Variants in AVEN observed in about 807,000 individuals in gnomAD.
AVEN encodes apoptosis and caspase activation inhibitor, also known as cell death regulator Aven.
In AVEN, 41 loss-of-function variants were observed where a neutral mutation model predicts 38.1. The observed-to-expected ratio is 1.08, with a 90% confidence interval of 0.84 to 1.40. AVEN has a LOEUF of 1.40. Ranked by LOEUF, AVEN falls within the 40% of genes most tolerant of loss-of-function variation. AVEN has a pLI of 0.00. For missense variants in AVEN, 605 were observed against 438.8 expected (o/e 1.38, Z -3.38); for synonymous variants, 206 against 171.8 (o/e 1.20, Z -1.56).
rs552386987 is a variant in AVEN at position 34,022,952 on chromosome 15, C to G, written c.267+15828G>C. On this transcript the variant is annotated intron_variant, in intron 1 of 5. Coordinates refer to ENST00000306730, the MANE Select transcript of AVEN (RefSeq NM_020371.3). ...CCTGTAATCCCAGCACTTTGGGAGG[C>G]CGAGGCGGGCGGATCACAAGGTCAG... is the stretch of plus-strand genomic sequence containing the variant. Among the ~76,000 whole-genome samples the G allele has an allele frequency of 2.7e-3, 410 of 152,308 alleles. 2 individuals carry two copies. Among genetic ancestry groups the G allele is most frequent in the African/African-American group, 9.6e-3 (398 of 41,572 alleles).
chr15:34,069,204 G>A (rs1900583141), intron 2 of AVEN, among the ~76,000 whole-genome samples: 1 of 151,962 alleles, frequency 6.6e-6, no homozygotes, highest in Non-Finnish European at 1.5e-5. Context: ...GCTGAATCAC[G>A]ATGTCAGGAG....
At chr15:33,999,429 C>T (rs1412999544) in intron 2 of AVEN, among the ~76,000 whole-genome samples, 1 of 152,118 alleles carries the variant, frequency 6.6e-6, no homozygotes, top group African/African-American at 2.4e-5. Flanking sequence ...ATTGAGTGTG[C>T]CAGCCATTTA....
chr15:33,876,185 A>ATTT (rs10685072), intron 2 of AVEN, among the ~76,000 whole-genome samples, 190 bp from the exon 3 acceptor site: 5,893 of 152,276 alleles, frequency 0.039, 333 homozygotes, highest in South Asian at 0.12. Context: ...CAATGTTAAC[A>ATTT]TTTGATAAGA....
At chr15:33,948,090 ATTTTTCTTTTCTTT>A (rs1308104145) in intron 2 of AVEN, among the ~76,000 whole-genome samples, 1 of 143,340 alleles carries the variant, frequency 7.0e-6, no homozygotes, top group Non-Finnish European at 1.5e-5. Context: ...AACAATGTCT[ATTTTTCTTTTCTTT>A]TTTTTTTTTT....
intron 2 of AVEN, among the ~76,000 whole-genome samples, chr15:33,977,690 A>G (rs1292307388): frequency 6.6e-6 from 1 of 152,178 alleles, no homozygotes; most frequent in Admixed American, 6.6e-5. Flanking sequence ...TGAAGAATCA[A>G]ACGTTCTCTA....
chr15:34,017,136 A>G (rs1002223579), intron 1 of AVEN, among the ~76,000 whole-genome samples: 5 of 151,828 alleles, frequency 3.3e-5, no homozygotes, highest in Non-Finnish European at 5.9e-5. Flanking sequence ...TCAAGGGGGA[A>G]AAAAAAAGGT....
chr15:33,914,182 C>T (rs1359500534), intron 2 of AVEN, among the ~76,000 whole-genome samples: 3 of 150,798 alleles, frequency 2.0e-5, no homozygotes, highest in Admixed American at 6.6e-5. Flanking sequence ...TAGCTATGAG[C>T]TCTTTTACAG....
downstream of AVEN, chr15:33,854,719 C>G (rs747475710): frequency 3.2e-6 from 5 of 1,567,660 alleles, no homozygotes; most frequent in African/African-American, 5.5e-5. Context: ...ATAATGAGCA[C>G]ACTATGAGGC....
At chr15:33,901,181 G>A (rs1597211524) in intron 2 of AVEN, among the ~76,000 whole-genome samples, 2 of 152,198 alleles carry the variant, frequency 1.3e-5, no homozygotes, top group East Asian at 3.9e-4. Context: ...GCAGGAGAAT[G>A]GTGTGAACCC....
At chr15:33,961,946 T>C (rs1176469995) in intron 2 of AVEN, among the ~76,000 whole-genome samples, 1 of 151,744 alleles carries the variant, frequency 6.6e-6, no homozygotes, top group Non-Finnish European at 1.5e-5. Context: ...AAATCATTCA[T>C]AGATGATTTT....
chr15:34,020,741 G>A (rs928723220), intron 1 of AVEN, among the ~76,000 whole-genome samples: 2 of 152,176 alleles, frequency 1.3e-5, no homozygotes, highest in Non-Finnish European at 2.9e-5. Flanking sequence ...ATGAAAAGCT[G>A]TAAATGAAAT....
At chr15:34,013,664 CAT>C (rs1004116191) in intron 1 of AVEN, among the ~76,000 whole-genome samples, 21 of 152,284 alleles carry the variant, frequency 1.4e-4, no homozygotes, top group African/African-American at 4.6e-4. Context: ...GAGAAGTAAA[CAT>C]ATATAGTGTG....
At chr15:33,894,821 AATAATAAC>A (rs1472388790) in intron 2 of AVEN, among the ~76,000 whole-genome samples, 23 of 70,044 alleles carry the variant, frequency 3.3e-4, no homozygotes, top group East Asian at 1.5e-3. Flanking sequence ...AAAAAAAAAA[AATAATAAC>A]AATAATAATA....
chr15:33,857,156 C>T (rs551561057), downstream of AVEN, among the ~76,000 whole-genome samples: 23 of 152,252 alleles, frequency 1.5e-4, no homozygotes, highest in Non-Finnish European at 2.6e-4. Flanking sequence ...GCTGCCAGAA[C>T]GAAGTACTAC....
chr15:33,932,645 T>C (rs1323864984), intron 2 of AVEN, among the ~76,000 whole-genome samples: 1 of 152,090 alleles, frequency 6.6e-6, no homozygotes, highest in Non-Finnish European at 1.5e-5. Context: ...GCCAACATGA[T>C]GAAACCCTGT....
rs79862042 is a variant in AVEN, at chr15:34,007,276, C to T, written c.268-4067G>A. On this transcript the variant is annotated intron_variant, in intron 1 of 5. Transcript: ENST00000306730. ...GTCATTTTTGACCTCACCTGCTCTG[C>T]AGAATGAAAATGAAAAAATGAAATA... Among the ~76,000 whole-genome samples the T allele has an allele frequency of 3.1e-3, 476 of 152,158 alleles. 5 individuals carry two copies. Among genetic ancestry groups the T allele is most frequent in the African/African-American group, 0.011 (455 of 41,510 alleles).
intron 2 of AVEN, among the ~76,000 whole-genome samples, chr15:33,933,771 C>T (rs1267918399): frequency 6.6e-6 from 1 of 152,114 alleles, no homozygotes; most frequent in Non-Finnish European, 1.5e-5. Flanking sequence ...CCAGCCTGGC[C>T]AACATGGCAA....
At chr15:33,943,300 C>CTACA (rs1348153371) in intron 2 of AVEN, among the ~76,000 whole-genome samples, 1 of 152,180 alleles carries the variant, frequency 6.6e-6, no homozygotes. Flanking sequence ...CTGTCACATG[C>CTACA]TACAACATGG....
chr15:34,039,586 A>G (rs1446113516), upstream of AVEN, among the ~76,000 whole-genome samples: 1 of 152,168 alleles, frequency 6.6e-6, no homozygotes, highest in African/African-American at 2.4e-5. Context: ...GTCAGGGTTC[A>G]GGAGGTGTGG....
Sources: gnomAD v4.1 joint callset for allele counts (sites outside exome capture counted in the v4.1 genomes callset) on GRCh38, gnomAD v4.1.1 for gene constraint, MANE v1.5 for transcripts, NCBI Gene and HGNC (gene_info 2026-07-23, HGNC 2026-07-21) for gene names.